The following SLC8A3 variants were observed in gnomAD, a reference collection of about 807,000 sequenced individuals.
SLC8A3 encodes the protein sodium/calcium exchanger 3.
A neutral mutation model predicts 65.4 loss-of-function variants in SLC8A3; 37 were observed. The observed-to-expected ratio is 0.57, with a 90% CI of 0.44 to 0.74. The LOEUF is 0.74. Ranked by LOEUF, SLC8A3 falls within the 30% of genes least tolerant of loss-of-function variation. The pLI is 0.00. For synonymous variants in SLC8A3, 461 were observed against 444.5 expected (o/e 1.04, Z -0.47); for missense variants, 1,112 against 1,172.1 (o/e 0.95, Z 0.75).
intron 2 of SLC8A3, among the ~76,000 whole-genome samples, chr14:70,063,460 T>TC (rs1566746910): frequency 2.0e-5 from 3 of 152,300 alleles, no homozygotes; most frequent in African/African-American, 7.2e-5. Context: ...TGGTCCCTTT[T>TC]CCCCCCTTTA....
intron 2 of SLC8A3, among the ~76,000 whole-genome samples, chr14:70,071,833 C>A (rs544793778): frequency 6.6e-6 from 1 of 152,292 alleles, no homozygotes; most frequent in East Asian, 1.9e-4. Context: ...GAGGCAGGAA[C>A]CTGAGCTAAA....
At chr14:70,130,523 C>T (rs1227439050) in intron 2 of SLC8A3, among the ~76,000 whole-genome samples, 1 of 152,186 alleles carries the variant, frequency 6.6e-6, no homozygotes, top group East Asian at 1.9e-4. Context: ...CAGTCCTCTG[C>T]AAGGGGGATA....
intron 2 of SLC8A3, among the ~76,000 whole-genome samples, chr14:70,105,817 GAA>G (rs1355550730): frequency 6.6e-6 from 1 of 152,074 alleles, no homozygotes; most frequent in African/African-American, 2.4e-5. Flanking sequence ...CATCTCTCAT[GAA>G]AAGACACCAC....
At chr14:70,101,543 A>G (rs941712230) in intron 2 of SLC8A3, among the ~76,000 whole-genome samples, 2 of 152,148 alleles carry the variant, frequency 1.3e-5, no homozygotes, top group Non-Finnish European at 2.9e-5. Flanking sequence ...GTAGATCACA[A>G]AGTTATTCTA....
In SLC8A3 at chr14:70,114,114, G is replaced by GCCT. The variant is rs1474711334; in HGVS notation, c.1784+52522_1784+52524dup. ...CCCAGGTTATTGGATACTTAGATGG[G>GCCT]CCTGCAAGGTTGTGTACAGAGGTAA... is the stretch of plus-strand genomic sequence containing the variant. On this transcript the variant is annotated intron_variant, in intron 2 of 6. Transcript: ENST00000356921. 2.6e-5 allele frequency among the ~76,000 whole-genome samples: 4 copies of GCCT among 152,284 alleles called. No homozygotes were observed. The East Asian group carries it at 7.7e-4, about 29-fold the overall frequency.
intron 1 of SLC8A3, among the ~76,000 whole-genome samples, chr14:70,180,449 C>G (rs1265688450): frequency 6.6e-6 from 1 of 152,164 alleles, no homozygotes; most frequent in Non-Finnish European, 1.5e-5. Context: ...GCAGATTCCT[C>G]AGACTCCCAG....
intron 2 of SLC8A3, among the ~76,000 whole-genome samples, chr14:70,110,720 A>G (rs10143366): frequency 0.92 from 133,198 of 145,402 alleles, 61,003 homozygotes; most frequent in East Asian, 0.97. Context: ...TCGCTCTTTC[A>G]CCCAGGCCAG....
chr14:70,128,870 G>A lies in SLC8A3; in HGVS notation c.1784+37769C>T, dbSNP rs928837084. The stretch of plus-strand genomic sequence containing the variant: ...ACCAATTTAAAAGCTCACGCAAAAC[G>A]CACAGTGTGCCTCAATGTAGGATGT... On this transcript the variant is annotated intron_variant, in intron 2 of 6. Transcript: ENST00000356921. Among the ~76,000 whole-genome samples the A allele has an allele frequency of 2.6e-5, 4 of 152,112 alleles. 1 individual carries two copies. Among genetic ancestry groups the A allele is most frequent in the South Asian group, 4.1e-4 (2 of 4,822 alleles).
chr14:70,105,315 C>T (rs1892795244), intron 2 of SLC8A3, among the ~76,000 whole-genome samples: 3 of 151,878 alleles, frequency 2.0e-5, no homozygotes, highest in Admixed American at 1.3e-4. Flanking sequence ...GGCGACAAAG[C>T]GAGACTCTGT....
intron 2 of SLC8A3, among the ~76,000 whole-genome samples, chr14:70,160,753 T>G (rs949735913): frequency 6.6e-6 from 1 of 151,896 alleles, no homozygotes; most frequent in Non-Finnish European, 1.5e-5. Context: ...CTGGACTTCC[T>G]GGAGAGTTTT....
chr14:70,063,927 T>C (rs1248137777), intron 2 of SLC8A3: 2 of 1,571,406 alleles, frequency 1.3e-6, no homozygotes, highest in Non-Finnish European at 1.8e-6. Context: ...GTGAATTGTT[T>C]TGCTGTGGAT....
chr14:70,119,354 A>G (rs567392682), intron 2 of SLC8A3, among the ~76,000 whole-genome samples: 10 of 152,280 alleles, frequency 6.6e-5, no homozygotes, highest in Non-Finnish European at 1.2e-4. Context: ...TCCTACATGG[A>G]CACTGTGAGG....
chr14:70,134,485 C>A (rs528953457), intron 2 of SLC8A3, among the ~76,000 whole-genome samples: 2 of 152,114 alleles, frequency 1.3e-5, no homozygotes, highest in Non-Finnish European at 2.9e-5. Flanking sequence ...CTTCCCTTCA[C>A]GATTAAAGTA....
intron 3 of SLC8A3, among the ~76,000 whole-genome samples, chr14:70,058,148 T>C (rs530392804): frequency 6.6e-6 from 1 of 152,282 alleles, no homozygotes; most frequent in East Asian, 1.9e-4. Flanking sequence ...AAATCCAGTC[T>C]CTCATTTTTT....
intron 2 of SLC8A3, among the ~76,000 whole-genome samples, chr14:70,105,896 C>A (rs892787792): frequency 5.9e-5 from 9 of 151,284 alleles, no homozygotes; most frequent in African/African-American, 2.2e-4. Flanking sequence ...CATCGATGAC[C>A]AAGTAGGATT....
At chr14:70,151,444 T>A (rs1003208427) in intron 2 of SLC8A3, among the ~76,000 whole-genome samples, 4 of 152,164 alleles carry the variant, frequency 2.6e-5, no homozygotes, top group African/African-American at 9.7e-5. Flanking sequence ...GGTTTACAAT[T>A]GGAACCCCTA....
In SLC8A3 at chr14:70,148,232, G is replaced by A. The variant is rs145651167; in HGVS notation, c.1784+18407C>T. On this transcript the variant is annotated intron_variant, in intron 2 of 6. Coordinates refer to ENST00000356921, the MANE Select transcript of SLC8A3 (RefSeq NM_182932.3). ...CAAGTAGGCTAAGCTAAGCTATCACGTTCTGTGGGTTATATGAAATAAATA... is the reference window on the plus strand; with the variant it reads ...CAAGTAGGCTAAGCTAAGCTATCACATTCTGTGGGTTATATGAAATAAATA... 7.5e-4 allele frequency among the ~76,000 whole-genome samples: 114 copies of A among 152,262 alleles called. No homozygotes were observed. The East Asian group carries it at 0.015, about 20-fold the overall frequency.
At chr14:70,171,796 G>A (rs1218618761) in intron 1 of SLC8A3, among the ~76,000 whole-genome samples, 14 of 152,080 alleles carry the variant, frequency 9.2e-5, no homozygotes, top group Admixed American at 2.0e-4. Flanking sequence ...GTGAAACTCC[G>A]TCTCAAAAAC....
chr14:70,074,715 G>A (rs1249560098), intron 2 of SLC8A3, among the ~76,000 whole-genome samples: 1 of 152,202 alleles, frequency 6.6e-6, no homozygotes, highest in East Asian at 1.9e-4. Flanking sequence ...CAACATTTAA[G>A]GGTACACCTA....
Sources: gnomAD v4.1 joint callset for allele counts (sites outside exome capture counted in the v4.1 genomes callset) on GRCh38, gnomAD v4.1.1 for gene constraint, MANE v1.5 for transcripts, NCBI Gene and HGNC (gene_info 2026-07-23, HGNC 2026-07-21) for gene names.